The following ANO5 variants were observed in gnomAD, a reference collection of about 807,000 sequenced individuals.
The protein encoded by ANO5 is anoctamin-5.
ANO5 carries 109 observed loss-of-function variants against 121.0 expected under a neutral mutation model. The observed-to-expected ratio is 0.90, with a 90% confidence interval of 0.77 to 1.06. The LOEUF is 1.06. Among genes scored for constraint, ANO5 ranks in the 50% least tolerant of loss-of-function variants. The pLI is 0.00. For missense variants in ANO5, 1,064 were observed against 1,078.5 expected, an observed-to-expected ratio of 0.99 and a Z score of 0.19; for synonymous variants, 406 against 359.9, an observed-to-expected ratio of 1.13 and a Z score of -1.45.
At chr11:22,260,441 T>C (rs1328096627) in intron 15 of ANO5, among the ~76,000 whole-genome samples, 2 of 152,170 alleles carry the variant, frequency 1.3e-5, no homozygotes, top group South Asian at 2.1e-4. Context: ...ATAGACATCA[T>C]GGCTGACGTC....
At chr11:22,252,029 C>CAAAAAAAAAAAAAAAAAAA (rs10525160) in intron 12 of ANO5, among the ~76,000 whole-genome samples, 5 of 45,854 alleles carry the variant, frequency 1.1e-4, no homozygotes, top group African/African-American at 3.4e-4. Flanking sequence ...GACGCCGTCT[C>CAAAAAAAAAAAAAAAAAAA]AAAAAAAAAA....
chr11:22,263,788 C>A (rs1267016003), intron 17 of ANO5, among the ~76,000 whole-genome samples: 2 of 152,142 alleles, frequency 1.3e-5, no homozygotes, highest in Admixed American at 1.3e-4. Flanking sequence ...TCCACTTTAA[C>A]TGCACTTGAA....
intron 7 of ANO5, among the ~76,000 whole-genome samples, chr11:22,231,137 G>T (rs1169538069): frequency 6.6e-6 from 1 of 151,910 alleles, no homozygotes; most frequent in Non-Finnish European, 1.5e-5. Context: ...AGAAGATTTT[G>T]AAAATTAAAT....
At position 22,236,222 on chromosome 11, in the gene ANO5, G is replaced by A; in HGVS notation, c.708G>A (p.Gly236=). 1 of 1,613,440 alleles carries A rather than the reference G, an allele frequency of 6.2e-7. No homozygotes were observed. The highest frequency in any genetic ancestry group is 8.5e-7 in the Non-Finnish European group (1 of 1,179,618). ...FGIEDGKKRF[G]IERLLNSNTY... Reference sequence around the variant, plus strand: ...TAGAAGATGGGAAGAAAAGGTTTGGGATTGAAAGACTGCTAAACTCTAACA... The same window carrying A: ...TAGAAGATGGGAAGAAAAGGTTTGGAATTGAAAGACTGCTAAACTCTAACA... Residue 236 remains glycine, a synonymous_variant, in exon 8 of 22, where the codon GGG becomes GGA. Coordinates refer to ENST00000324559, the MANE Select transcript of ANO5 (RefSeq NM_213599.3).
chr11:22,273,777 T>G lies in ANO5; in HGVS notation c.2235+788T>G, dbSNP rs549763710. Among the ~76,000 whole-genome samples the G allele has an allele frequency of 2.2e-3, 331 of 152,134 alleles. 1 individual carries two copies. Among genetic ancestry groups the G allele is most frequent in the African/African-American group, 6.8e-3 (282 of 41,516 alleles). ...ACTGGAAAGACAAAGTAAGTAAAAC[T>G]CTGAAAAAAAGTATGAGAGACTCTT... On this transcript the variant is annotated intron_variant, in intron 19 of 21. Transcript: ENST00000324559.
At chr11:22,250,667 G>T in intron 10 of ANO5, 74 bp from the exon 11 acceptor site, 1 of 1,417,216 alleles carries the variant, frequency 7.1e-7, no homozygotes, top group Non-Finnish European at 1.0e-6. Context: ...ATAAGTAGTT[G>T]TTCTAATAAG....
At chr11:22,270,074 G>A (rs1203531874) in intron 17 of ANO5, among the ~76,000 whole-genome samples, 1 of 152,142 alleles carries the variant, frequency 6.6e-6, no homozygotes, top group African/African-American at 2.4e-5. Context: ...TCTCTGAGCA[G>A]AGTAAAGATT....
chr11:22,240,951 CTTA>C (rs905981896), intron 9 of ANO5, among the ~76,000 whole-genome samples: 1 of 151,868 alleles, frequency 6.6e-6, no homozygotes, highest in African/African-American at 2.4e-5. Flanking sequence ...CACAGAATGC[CTTA>C]TTATAAATTT....
At chr11:22,258,706 C>G (rs1187026290) in intron 14 of ANO5, among the ~76,000 whole-genome samples, 1 of 152,194 alleles carries the variant, frequency 6.6e-6, no homozygotes, top group Non-Finnish European at 1.5e-5. Flanking sequence ...GATCTTGATT[C>G]TACATCTTTA....
intron 5 of ANO5, among the ~76,000 whole-genome samples, chr11:22,225,159 A>G (rs1852781818): frequency 6.7e-6 from 1 of 150,328 alleles, no homozygotes; most frequent in Non-Finnish European, 1.5e-5. Context: ...TTTGTCATCA[A>G]TACATTGCTT....
Position 22,222,354 on chromosome 11 carries a change from T to C in ANO5, c.294+1144T>C, listed in dbSNP as rs184261130. Among the ~76,000 whole-genome samples the C allele has an allele frequency of 8.7e-3, 1,316 of 152,108 alleles. 23 individuals are homozygous for C. Among genetic ancestry groups the C allele is most frequent in the African/African-American group, 0.03 (1,242 of 41,532 alleles). On this transcript the variant is annotated intron_variant, in intron 5 of 21. Coordinates refer to ENST00000324559, the MANE Select transcript of ANO5 (RefSeq NM_213599.3). ...ATAATATCAATTCATACTTAGATGA[T>C]TATTTTGACACTCTGGCCTCTCTGT...
chr11:22,256,583 G>A (rs1854005931), intron 13 of ANO5, among the ~76,000 whole-genome samples: 1 of 152,042 alleles, frequency 6.6e-6, no homozygotes, highest in Non-Finnish European at 1.5e-5. Context: ...AACAAAAGCA[G>A]TCCTATTAGC....
At chr11:22,199,666 C>CT (rs1851907187) in intron 1 of ANO5, among the ~76,000 whole-genome samples, 1 of 152,014 alleles carries the variant, frequency 6.6e-6, no homozygotes, top group African/African-American at 2.4e-5. Flanking sequence ...CATTGTTCTA[C>CT]TTTAAAAAAA....
chr11:22,259,148 A>C (rs79621903), intron 14 of ANO5, among the ~76,000 whole-genome samples: 3 of 150,600 alleles, frequency 2.0e-5, no homozygotes, highest in African/African-American at 7.4e-5. Flanking sequence ...AAAAAAAAAA[A>C]AGAGAAAAAA....
At chr11:22,243,944 CA>C (rs1853524780) in intron 9 of ANO5, among the ~76,000 whole-genome samples, 1 of 152,020 alleles carries the variant, frequency 6.6e-6, no homozygotes, top group Admixed American at 6.6e-5. Context: ...TTGATCTTGT[CA>C]TCATGTCGTT....
chr11:22,196,762 G>T (rs143169088), intron 1 of ANO5, among the ~76,000 whole-genome samples: 1 of 152,086 alleles, frequency 6.6e-6, no homozygotes, highest in African/African-American at 2.4e-5. Context: ...CCAGCTACTC[G>T]GGAGACTGAA....
chr11:22,238,447 C>T (rs141602529), intron 8 of ANO5, among the ~76,000 whole-genome samples: 2 of 152,140 alleles, frequency 1.3e-5, no homozygotes, highest in East Asian at 1.9e-4. Flanking sequence ...ATTGGAAATT[C>T]GATGTCACTG....
intron 12 of ANO5, among the ~76,000 whole-genome samples, chr11:22,254,786 C>A (rs905990151): frequency 6.6e-6 from 1 of 151,882 alleles, no homozygotes; most frequent in African/African-American, 2.4e-5. Context: ...ATAATTCCAG[C>A]ACTTTGGGGG....
chr11:22,239,655 C>G lies in ANO5; in HGVS notation c.849C>G (p.Phe283Leu). The change falls in exon 9 of 22, where the codon TTC (phenylalanine) becomes TTG (leucine). Residue 283 changes from phenylalanine (F) to leucine (L), a missense_variant. Transcript: ENST00000324559. ...AGAATTGGGCTCGATTTTCCTATTT[C>G]TACAAGGAGCAGCCTTTAGACTTGA... ...LHQNWARFSY[F>L]YKEQPLDLIK... 6.2e-7 allele frequency: 1 copy of G among 1,610,930 alleles called. No individual in the cohort carries two copies. The highest frequency in any genetic ancestry group is 8.5e-7 in the Non-Finnish European group (1 of 1,177,348).
Sources: gnomAD v4.1 joint callset for allele counts (sites outside exome capture counted in the v4.1 genomes callset) on GRCh38, gnomAD v4.1.1 for gene constraint, MANE v1.5 for transcripts, NCBI Gene and HGNC (gene_info 2026-07-23, HGNC 2026-07-21) for gene names.